TPM1: variants seen among roughly 807,000 people sequenced by gnomAD.
The protein encoded by TPM1 is tropomyosin alpha-1 chain.
In TPM1, 24 loss-of-function variants were observed where a neutral mutation model predicts 42.9. The ratio of observed to expected loss-of-function variants is 0.56; its 90% confidence interval spans 0.41 to 0.79. The LOEUF (loss-of-function observed/expected upper bound fraction) is 0.79. TPM1 is among the 30% of genes least tolerant of loss of function. The pLI is 0.00. For missense variants in TPM1, 158 were observed against 351.8 expected (o/e 0.45, Z 4.41); for synonymous variants, 136 against 130.1 (o/e 1.05, Z -0.31).
At chr15:63,056,716 G>C in intron 2 of TPM1, 2 of 461,922 alleles carry the variant, frequency 4.3e-6, no homozygotes, top group South Asian at 4.2e-5. Flanking sequence ...AAGGAACCAT[G>C]TGAAAGAGCG....
At chr15:63,048,903 C>A (rs1312363747) in intron 2 of TPM1, 1 of 723,808 alleles carries the variant, frequency 1.4e-6, no homozygotes, top group South Asian at 1.6e-5. Flanking sequence ...CCTTTGTTTT[C>A]CATCTCGCTG....
chr15:63,061,443 T>G (rs1221673557), intron 5 of TPM1: 1 of 788,322 alleles, frequency 1.3e-6, no homozygotes, highest in Non-Finnish European at 2.2e-6. Context: ...TTGTTTTCCC[T>G]TCATAAATGC....
At chr15:63,051,371 C>CT (rs2033824501) in intron 2 of TPM1, among the ~76,000 whole-genome samples, 2 of 152,240 alleles carry the variant, frequency 1.3e-5, no homozygotes, top group South Asian at 2.1e-4. Context: ...AATGTATACT[C>CT]TCGATTTCCG....
rs201813515 is a variant in TPM1 at position 63,061,205 on chromosome 15, C to T, written c.563+266C>T. The T allele has an allele frequency of 8.7e-6, 14 of 1,613,968 alleles. No homozygotes were observed. Among genetic ancestry groups the T allele is most frequent in the Admixed American group, 3.3e-5 (2 of 60,002 alleles). On this transcript the variant is annotated intron_variant, in intron 5 of 9. Coordinates refer to ENST00000403994, the MANE Select transcript of TPM1 (RefSeq NM_001018005.2). The stretch of plus-strand genomic sequence containing the variant: ...TCCTGTGTCCACTAACAGCCAAGTC[C>T]GACAGCTGGAAGAACAATTAAGAAT...
intron 2 of TPM1, chr15:63,048,747 C>G (rs376982278): frequency 1.7e-4 from 262 of 1,523,122 alleles, no homozygotes; most frequent in Non-Finnish European, 2.1e-4. Flanking sequence ...CCCAGAGGCG[C>G]ATCCTCCCGG....
chr15:63,061,876 A>G (rs972028872), intron 6 of TPM1, 88 bp downstream of exon 6: 57 of 1,200,414 alleles, frequency 4.7e-5, no homozygotes, highest in Non-Finnish European at 6.6e-5. Context: ...TACAGTAGAC[A>G]TTTTAGTAAA....
At chr15:63,071,034 CA>C, downstream of TPM1, 1 of 1,610,932 alleles carries the variant, frequency 6.2e-7, no homozygotes, top group Non-Finnish European at 8.5e-7. Context: ...ATGTACAAAC[CA>C]CCATTGTGTC....
intron 2 of TPM1, chr15:63,045,589 T>G (rs1469336495): frequency 6.6e-6 from 1 of 152,114 alleles, no homozygotes; most frequent in African/African-American, 2.4e-5. Flanking sequence ...ATATTCCTTA[T>G]AAGGAAAAGA....
In TPM1 at chr15:63,043,007, G is replaced by C. The variant is rs1214243080; in HGVS notation, c.114+64G>C. The C allele has an allele frequency of 1.5e-5, 21 of 1,444,632 alleles. No individual in the cohort carries two copies. In the South Asian group the frequency reaches 2.3e-4, roughly 16 times the overall value. The allele number at this position is 1,444,632 out of a possible 1,614,324, so 89.5% of individuals were successfully genotyped here. On this transcript the variant is annotated intron_variant, in intron 1 of 9. Transcript: ENST00000403994. ...CCGGGACTCGAGCCTGGCACCCCCGGCTGGATCCCCACCCCGAGGACTCGG... is the reference window on the plus strand; with the variant it reads ...CCGGGACTCGAGCCTGGCACCCCCGCCTGGATCCCCACCCCGAGGACTCGG...
chr15:63,065,709 C>T (rs1595683654), intron 9 of TPM1, 187 bp from the exon 10 acceptor site: 6 of 935,666 alleles, frequency 6.4e-6, no homozygotes, highest in East Asian at 2.3e-4. Flanking sequence ...TGCCGAAAGG[C>T]GGCCTGTGAC....
chr15:63,065,562 T>C, intron 9 of TPM1: 4 of 985,332 alleles, frequency 4.1e-6, no homozygotes, highest in Non-Finnish European at 4.8e-6. Context: ...CTAAGGTCTT[T>C]TTCAGTGCTA....
At chr15:63,049,624 G>A (rs561462664) in intron 2 of TPM1, among the ~76,000 whole-genome samples, 1 of 152,274 alleles carries the variant, frequency 6.6e-6, no homozygotes, top group East Asian at 1.9e-4. Flanking sequence ...ATGATGTCCT[G>A]CTGTGCTTAA....
rs149346709 is a variant in TPM1 at position 63,044,089 on chromosome 15, A to G, written c.177A>G (p.Lys59=). ...AGGGCACCGAAGATGAACTGGACAAATACTCTGAGGCTCTCAAAGATGCCC... is the reference window on the plus strand; with the variant it reads ...AGGGCACCGAAGATGAACTGGACAAGTACTCTGAGGCTCTCAAAGATGCCC... ...KLKGTEDELD[K]YSEALKDAQE... The change falls in exon 2 of 10, where the codon AAA becomes AAG. Residue 59 remains lysine (K), a synonymous_variant. Transcript: ENST00000403994. 65 of 1,614,188 alleles carry G rather than the reference A, an allele frequency of 4.0e-5. No individual in the cohort carries two copies. The African/African-American group carries it at 7.5e-4, about 19-fold the overall frequency.
At chr15:63,061,893 A>G (rs2035688945) in intron 6 of TPM1, 105 bp downstream of exon 6, 8 of 1,026,516 alleles carry the variant, frequency 7.8e-6, no homozygotes, top group East Asian at 2.5e-5. Context: ...TAAAATGGCA[A>G]TATTGTGAGG....
chr15:63,059,252 C>T lies in TPM1; in HGVS notation c.375-311C>T, dbSNP rs78809927. ...TAATAGTAAAGCATATTGGCTTTTC[C>T]GGTTTCATACTGCCAAGATTCAGAC... On this transcript the variant is annotated intron_variant, in intron 3 of 9. Transcript: ENST00000403994. 6.9e-3 allele frequency among the ~76,000 whole-genome samples: 1,052 copies of T among 152,226 alleles called. 8 individuals carry two copies. Among genetic ancestry groups the T allele is most frequent in the Non-Finnish European group, 0.011 (781 of 68,014 alleles).
At chr15:63,069,576 G>A (rs922562201), downstream of TPM1, among the ~76,000 whole-genome samples, 3 of 152,168 alleles carry the variant, frequency 2.0e-5, no homozygotes, top group Admixed American at 6.5e-5. Flanking sequence ...GTTTAGTGAG[G>A]TATAAGAGGA....
rs939553113 is a variant in TPM1 at position 63,066,095 on chromosome 15, T to G, written c.*196T>G. The G allele has an allele frequency of 4.7e-6, 7 of 1,504,006 alleles. No individual in the cohort carries two copies. The African/African-American group carries it at 9.9e-5, about 21-fold the overall frequency. The allele number at this position is 1,504,006 out of a possible 1,614,324, so 93.2% of individuals were successfully genotyped here. Reference sequence around the variant, plus strand: ...GTCAAATAAACACTGTGTAAGCTATTTCTGTTTGCTATTCTTTTTACTTCT... The same window carrying G: ...GTCAAATAAACACTGTGTAAGCTATGTCTGTTTGCTATTCTTTTTACTTCT... On this transcript the variant is annotated 3_prime_UTR_variant, in exon 10 of 10. Transcript: ENST00000403994.
intron 2 of TPM1, chr15:63,055,852 A>AAAT (rs1269120715): frequency 2.0e-5 from 3 of 152,254 alleles, no homozygotes; most frequent in Non-Finnish European, 4.4e-5. Flanking sequence ...TAGTCTTATA[A>AAAT]GTGTTCTGAG....
intron 2 of TPM1, chr15:63,056,502 T>TA (rs902393663): frequency 4.5e-6 from 1 of 223,934 alleles, no homozygotes; most frequent in African/African-American, 2.3e-5. Flanking sequence ...CCGTCTCTAC[T>TA]AAAAATACAA....
Sources: gnomAD v4.1 joint callset for allele counts (sites outside exome capture counted in the v4.1 genomes callset) on GRCh38, gnomAD v4.1.1 for gene constraint, MANE v1.5 for transcripts, NCBI Gene and HGNC (gene_info 2026-07-23, HGNC 2026-07-21) for gene names.